POC1B: variants seen among roughly 807,000 people sequenced by gnomAD.
POC1B encodes POC1 centriolar protein homolog B.
A neutral mutation model predicts 60.6 loss-of-function variants in POC1B; 44 were observed. The observed-to-expected ratio is 0.73, with a 90% CI of 0.57 to 0.93. POC1B has a LOEUF of 0.93. POC1B is among the 40% of genes least tolerant of loss of function. The pLI, the probability that POC1B is intolerant of heterozygous loss-of-function variation, is 0.00. For missense variants in POC1B, 555 were observed against 572.3 expected, an observed-to-expected ratio of 0.97 and a Z score of 0.31; for synonymous variants, 180 against 198.9, an observed-to-expected ratio of 0.90 and a Z score of 0.80.
In POC1B at chr12:89,525,505, G is replaced by T. The variant is rs970482788; in HGVS notation, c.16-301C>A. On this transcript the variant is annotated intron_variant, in intron 1 of 11. Coordinates refer to ENST00000313546, the MANE Select transcript of POC1B (RefSeq NM_172240.3). ...AAATGCACGTTCCCGGGCCCCGCCC[G>T]CTGGCCCAAGGCAGGCAGGTGCGAG... 5.3e-6 allele frequency: 7 copies of T among 1,313,816 alleles called. No homozygotes were observed. The African/African-American group carries it at 9.3e-5, about 17-fold the overall frequency. 81.4% of individuals were successfully genotyped at this position (1,313,816 alleles called of 1,614,324 possible).
At chr12:89,486,877 ACTCTCTCTTT>A (rs1373990252) in intron 4 of POC1B, among the ~76,000 whole-genome samples, 1 of 151,072 alleles carries the variant, frequency 6.6e-6, no homozygotes, top group Non-Finnish European at 1.5e-5. Context: ...ATTTTTAAAA[ACTCTCTCTTT>A]CTCTCTCTCT....
At chr12:89,487,249 G>C (rs1426170132) in intron 4 of POC1B, among the ~76,000 whole-genome samples, 1 of 152,148 alleles carries the variant, frequency 6.6e-6, no homozygotes. Flanking sequence ...GGCCACTCCT[G>C]CACTCCTGCA....
At chr12:89,429,852 C>T (rs1377434738) in intron 10 of POC1B, among the ~76,000 whole-genome samples, 1 of 152,158 alleles carries the variant, frequency 6.6e-6, no homozygotes. Context: ...TCTCATTTCC[C>T]ACCTCTTACT....
intron 10 of POC1B, among the ~76,000 whole-genome samples, chr12:89,446,022 G>A (rs1202561277): frequency 6.6e-6 from 1 of 152,184 alleles, no homozygotes; most frequent in African/African-American, 2.4e-5. Context: ...ATCACTGGCT[G>A]TCAGAGAAAT....
chr12:89,493,012 T>G (rs147417694), intron 3 of POC1B, among the ~76,000 whole-genome samples: 82 of 152,286 alleles, frequency 5.4e-4, no homozygotes, highest in Non-Finnish European at 9.6e-4. Flanking sequence ...AATCCCAGCG[T>G]AAATGTGTCA....
chr12:89,425,282 G>A lies in POC1B; in HGVS notation c.1211C>T (p.Thr404Ile). 6.2e-7 allele frequency: 1 copy of A among 1,614,070 alleles called. No individual in the cohort carries two copies. The highest frequency in any genetic ancestry group is 8.5e-7 in the Non-Finnish European group (1 of 1,180,016). Residue 404 changes from threonine to isoleucine, a missense_variant, in exon 11 of 12, where the codon ACA becomes ATA. Physicochemically the swap from Thr to Ile is moderately conservative, Grantham distance 89 (BLOSUM62 -1). Transcript: ENST00000313546. ...PSLMSPECLP[T>I]TTKKKTEDMS... ...GTCTTCTGTTTTCTTTTTCGTGGTT[G>A]TTGGCAAACATTCTGGTGACATTAA...
chr12:89,417,244 G>T (rs1456997214), downstream of POC1B, among the ~76,000 whole-genome samples: 1 of 152,202 alleles, frequency 6.6e-6, no homozygotes, highest in Non-Finnish European at 1.5e-5. Flanking sequence ...AGCGCCCAGA[G>T]ATCCTATGTA....
chr12:89,442,749 A>T (rs1344424261), intron 10 of POC1B, among the ~76,000 whole-genome samples: 1 of 152,220 alleles, frequency 6.6e-6, no homozygotes, highest in Non-Finnish European at 1.5e-5. Context: ...ATTCATACAT[A>T]ACAATATTAA....
In POC1B at chr12:89,471,718, A is replaced by G. The variant is rs1343953583; in HGVS notation, c.572T>C (p.Phe191Ser). 6.3e-7 allele frequency: 1 copy of G among 1,580,832 alleles called. No individual in the cohort carries two copies. The highest frequency in any genetic ancestry group is 8.6e-7 in the Non-Finnish European group (1 of 1,166,628). ...NFSDSVGFAN[F>S]VDFNPSGTCI... is the part of the protein sequence containing the mutation. The stretch of plus-strand genomic sequence containing the variant: ...TGTACCACTAGGGTTAAAGTCCACA[A>G]AATTTGCAAATCTAGGAGGAAAGAA... Residue 191 changes from phenylalanine (F) to serine (S), a missense_variant, in exon 6 of 12, where the codon TTT becomes TCT. By Grantham distance (155) the Phe-to-Ser change is radical. Transcript: ENST00000313546.
At chr12:89,421,344 A>G in intron 11 of POC1B, 87 bp from the exon 12 acceptor site, 1 of 1,133,552 alleles carries the variant, frequency 8.8e-7, no homozygotes. Context: ...AATCCTTTTA[A>G]GAACTGGGAT....
At chr12:89,485,662 G>A (rs1302387421) in intron 4 of POC1B, among the ~76,000 whole-genome samples, 1 of 152,078 alleles carries the variant, frequency 6.6e-6, no homozygotes, top group East Asian at 1.9e-4. Flanking sequence ...AACCAAAATG[G>A]ACAAAGAAAG....
rs1467007708 is a variant in POC1B, at chr12:89,420,732, T to C, written c.*421A>G. 1.3e-5 allele frequency: 2 copies of C among 156,330 alleles called. No individual in the cohort carries two copies. Among genetic ancestry groups the C allele is most frequent in the African/African-American group, 4.8e-5 (2 of 41,578 alleles). The allele number at this position is 156,330 out of a possible 1,614,324, so 9.7% of individuals were successfully genotyped here. A position where few individuals can be genotyped will look rare whatever the true frequency, so the allele number is the denominator to read the frequency against. On this transcript the variant is annotated 3_prime_UTR_variant, in exon 12 of 12. Transcript: ENST00000313546. Reference sequence around the variant, plus strand: ...AATAACTCATTATTGGCATATAGGATGCTATTTTGGAGGTAAGTGAATTAT... The same window carrying C: ...AATAACTCATTATTGGCATATAGGACGCTATTTTGGAGGTAAGTGAATTAT...
chr12:89,444,136 C>A (rs1881660617), intron 10 of POC1B, among the ~76,000 whole-genome samples: 1 of 152,078 alleles, frequency 6.6e-6, no homozygotes, highest in Non-Finnish European at 1.5e-5. Context: ...AAAAAAAGTC[C>A]AGGACCAGAA....
At chr12:89,466,049 T>A (rs886170948) in intron 9 of POC1B, among the ~76,000 whole-genome samples, 1 of 152,178 alleles carries the variant, frequency 6.6e-6, no homozygotes, top group Non-Finnish European at 1.5e-5. Context: ...TACCTAACTC[T>A]AAAAGCAAAG....
chr12:89,405,790 A>G, the POC1B span, among the ~76,000 whole-genome samples: 2 of 151,532 alleles, frequency 1.3e-5, no homozygotes, highest in South Asian at 2.1e-4. Context: ...CCCTGTCTCT[A>G]CAAAAATGTT....
chr12:89,502,801 T>C, intron 2 of POC1B: 2 of 1,310,322 alleles, frequency 1.5e-6, no homozygotes, highest in Non-Finnish European at 2.1e-6. Context: ...TTAACTTTGG[T>C]GACCTTTCGT....
At chr12:89,478,012 C>G (rs2135724957) in intron 4 of POC1B, among the ~76,000 whole-genome samples, 1 of 152,298 alleles carries the variant, frequency 6.6e-6, no homozygotes, top group Non-Finnish European at 1.5e-5. Flanking sequence ...TCAGGAACGG[C>G]CTTCCTGAAC....
chr12:89,523,973 G>A, intron 2 of POC1B: 1 of 1,613,852 alleles, frequency 6.2e-7, no homozygotes. Context: ...ACTCTATCAA[G>A]ATTGCTGATG....
intron 10 of POC1B, among the ~76,000 whole-genome samples, chr12:89,446,153 G>T (rs1881776861): frequency 6.6e-6 from 1 of 152,128 alleles, no homozygotes; most frequent in Admixed American, 6.5e-5. Context: ...TACACTGTTG[G>T]TGGGACTGTA....
Sources: gnomAD v4.1 joint callset for allele counts (sites outside exome capture counted in the v4.1 genomes callset) on GRCh38, gnomAD v4.1.1 for gene constraint, MANE v1.5 for transcripts, NCBI Gene and HGNC (gene_info 2026-07-23, HGNC 2026-07-21) for gene names.